Variants in FIG4 observed in about 807,000 individuals in gnomAD.
FIG4 encodes the protein FIG4 phosphoinositide 5-phosphatase.
Under a neutral mutation model 118.6 loss-of-function variants are expected in FIG4, and 112 were observed. That is an observed-to-expected ratio of 0.94 (90% confidence interval 0.81 to 1.11). FIG4 has a LOEUF of 1.11. FIG4 is among the 50% of genes least tolerant of loss of function. FIG4 has a pLI of 0.00. For missense variants in FIG4, 969 were observed against 1,111.7 expected (o/e 0.87, Z 1.83); for synonymous variants, 369 against 381.2 (o/e 0.97, Z 0.37).
chr6:109,796,955 T>C (rs1255125121), intron 22 of FIG4, 104 bp downstream of exon 22: 1 of 750,244 alleles, frequency 1.3e-6, no homozygotes, highest in African/African-American at 1.7e-5. Context: ...GTCACCAAAT[T>C]AGTATAAGCA....
chr6:109,723,129 G>T (rs1477465655), intron 3 of FIG4, among the ~76,000 whole-genome samples: 7 of 152,196 alleles, frequency 4.6e-5, no homozygotes, highest in African/African-American at 1.7e-4. Context: ...CCTTAGGGCA[G>T]TTTCCAGAAA....
chr6:109,745,649 T>A (rs1161605064), intron 10 of FIG4, among the ~76,000 whole-genome samples: 1 of 152,154 alleles, frequency 6.6e-6, no homozygotes, highest in African/African-American at 2.4e-5. Flanking sequence ...TTTAATTAGA[T>A]CCCATTTGTC....
rs565588149 is a variant in FIG4, at chr6:109,707,343, A to G, written c.67-7735A>G. ...TATATATGTATAGGTATATATATACATATATACATACATATATACGTGTAT... is the reference window on the plus strand; with the variant it reads ...TATATATGTATAGGTATATATATACGTATATACATACATATATACGTGTAT... On this transcript the variant is annotated intron_variant, in intron 1 of 22. Transcript: ENST00000230124. Among the ~76,000 whole-genome samples the G allele has an allele frequency of 3.4e-4, 41 of 120,872 alleles. No homozygotes were observed. In the South Asian group the frequency reaches 6.9e-3, roughly 20 times the overall value. The allele number at this position is 120,872 out of a possible 152,430, so 79.3% of individuals were successfully genotyped here. A position where few individuals can be genotyped will look rare whatever the true frequency, so the allele number is the denominator to read the frequency against.
intron 15 of FIG4, among the ~76,000 whole-genome samples, chr6:109,774,430 A>G (rs1468943156): frequency 6.6e-6 from 1 of 152,108 alleles, no homozygotes; most frequent in East Asian, 1.9e-4. Context: ...TTGAACATAT[A>G]CCTTTTTGCA....
chr6:109,698,325 CT>C (rs1036657431), intron 1 of FIG4, among the ~76,000 whole-genome samples: 9 of 152,012 alleles, frequency 5.9e-5, no homozygotes, highest in Non-Finnish European at 1.3e-4. Flanking sequence ...ATTCTAGAAC[CT>C]TTGTGTTTCC....
Position 109,760,233 on chromosome 6 carries a change from T to C in FIG4, c.1138-17T>C. On this transcript the variant is annotated splice_polypyrimidine_tract_variant and intron_variant, in intron 10 of 22. Coordinates refer to ENST00000230124, the MANE Select transcript of FIG4 (RefSeq NM_014845.6). ...TAAGGAAATTAGAACACTGAAAATG[T>C]TTAATTTTTGATAAAGGAACGAGAG... is the stretch of plus-strand genomic sequence containing the variant. 1 of 1,608,808 alleles carries C rather than the reference T, an allele frequency of 6.2e-7. No homozygotes were observed. The highest frequency in any genetic ancestry group is 8.5e-7 in the Non-Finnish European group (1 of 1,175,288).
In FIG4 at chr6:109,764,000, A is replaced by G. The variant is rs775631903; in HGVS notation, c.1434+18A>G. 5.9e-6 allele frequency: 9 copies of G among 1,534,444 alleles called. No individual in the cohort carries two copies. In the Admixed American group the frequency reaches 1.2e-4, roughly 20 times the overall value. ...GCCTGCAGGTATACACAGTATTACAATTCGTAATGAATAGAATCTGTATCC... is the reference window on the plus strand; with the variant it reads ...GCCTGCAGGTATACACAGTATTACAGTTCGTAATGAATAGAATCTGTATCC... On this transcript the variant is annotated intron_variant, in intron 13 of 22. Coordinates refer to ENST00000230124, the MANE Select transcript of FIG4 (RefSeq NM_014845.6).
chr6:109,825,236 C>T lies in FIG4; in HGVS notation c.2695C>T (p.Arg899Ter), dbSNP rs750069994. The T allele has an allele frequency of 1.3e-5, 21 of 1,613,874 alleles. No homozygotes were observed. Among genetic ancestry groups the T allele is most frequent in the Middle Eastern group, 3.3e-4 (2 of 6,082 alleles). ...AGGAAAAGAGGACTCCTCCATGTAC[C>T]GAGAGTACATCAGGAACCGCTACCT... The part of the protein sequence containing the change: ...PLGKEDSSMY[R>*]EYIRNRYL Residue 899 changes from arginine to a stop codon, truncating the protein, a stop_gained, in exon 23 of 23, where the codon CGA (arginine) becomes TGA (stop). Coordinates refer to ENST00000230124, the MANE Select transcript of FIG4 (RefSeq NM_014845.6). LOFTEE classifies it high-confidence loss of function.
chr6:109,801,351 C>G, intron 22 of FIG4, among the ~76,000 whole-genome samples: 1 of 151,882 alleles, frequency 6.6e-6, no homozygotes, highest in East Asian at 1.9e-4. Context: ...AGTTCGAGAC[C>G]AGCCTGACCA....
chr6:109,743,772 G>C lies in FIG4; in HGVS notation c.1137G>C (p.Lys379Asn). 1.2e-6 allele frequency: 2 copies of C among 1,603,242 alleles called. No homozygotes were observed. The highest frequency in any genetic ancestry group is 1.7e-6 in the Non-Finnish European group (2 of 1,170,630). Residue 379 changes from lysine (K) to asparagine (N), a missense_variant and splice_region_variant, in exon 10 of 23, where the codon AAG (lysine) becomes AAC (asparagine). Lys to Asn is a moderately conservative substitution (Grantham distance 94). Around this residue, in one of 3 missense-constraint regions of FIG4, gnomAD observed 246 missense variants for 354.3 expected, o/e 0.69. Transcript: ENST00000230124. ...CCATCATCATCTTGAATTTAGTGAAGGTATGATGTGCTCATCTGTTTGGTT... is the reference window on the plus strand; with the variant it reads ...CCATCATCATCTTGAATTTAGTGAACGTATGATGTGCTCATCTGTTTGGTT... ...GSPIIILNLV[K>N]EREKRKHERI...
At chr6:109,786,995 T>C (rs1777983143) in intron 18 of FIG4, among the ~76,000 whole-genome samples, 1 of 152,196 alleles carries the variant, frequency 6.6e-6, no homozygotes, top group Admixed American at 6.5e-5. Context: ...ATTACTATTA[T>C]TATTAGTCAT....
intron 1 of FIG4, among the ~76,000 whole-genome samples, chr6:109,704,249 T>C (rs1774988913): frequency 6.6e-6 from 1 of 152,208 alleles, no homozygotes; most frequent in Non-Finnish European, 1.5e-5. Flanking sequence ...ATATCTTCAG[T>C]TTATCTTTTT....
chr6:109,721,576 C>T (rs759916377), intron 3 of FIG4, among the ~76,000 whole-genome samples: 6 of 152,224 alleles, frequency 3.9e-5, no homozygotes, highest in East Asian at 1.9e-4. Flanking sequence ...TTTTGCATGA[C>T]GACCATCATC....
chr6:109,816,182 G>A (rs1778857560), intron 22 of FIG4, among the ~76,000 whole-genome samples: 1 of 152,176 alleles, frequency 6.6e-6, no homozygotes, highest in African/African-American at 2.4e-5. Context: ...AATGTCCTCA[G>A]TAGCCGATGG....
intron 5 of FIG4, among the ~76,000 whole-genome samples, chr6:109,733,011 G>T (rs960945852): frequency 6.6e-6 from 1 of 151,994 alleles, no homozygotes; most frequent in East Asian, 1.9e-4. Flanking sequence ...AATAAGAGTT[G>T]TAACAATTTC....
chr6:109,760,078 G>A (rs961251291), intron 10 of FIG4, among the ~76,000 whole-genome samples, 172 bp from the exon 11 acceptor site: 3 of 152,106 alleles, frequency 2.0e-5, no homozygotes, highest in Non-Finnish European at 2.9e-5. Flanking sequence ...ATACAATGGA[G>A]CATTTATTTC....
At chr6:109,732,144 G>C in intron 4 of FIG4, among the ~76,000 whole-genome samples, 1 of 152,124 alleles carries the variant, frequency 6.6e-6, no homozygotes, top group Non-Finnish European at 1.5e-5. Context: ...ATCTTAAAAA[G>C]GTTGAAATAG....
chr6:109,710,885 C>T (rs543085314), intron 1 of FIG4, among the ~76,000 whole-genome samples: 13 of 148,632 alleles, frequency 8.7e-5, no homozygotes, highest in South Asian at 4.4e-4. Context: ...GTCTAGCCTC[C>T]GGTCTATATA....
chr6:109,787,654 A>G (rs1033699221), intron 18 of FIG4, among the ~76,000 whole-genome samples: 1 of 152,188 alleles, frequency 6.6e-6, no homozygotes, highest in Non-Finnish European at 1.5e-5. Context: ...GTTTCACTGG[A>G]AGTCATAGTT....
Sources: gnomAD v4.1 joint callset for allele counts (sites outside exome capture counted in the v4.1 genomes callset) on GRCh38, gnomAD v4.1.1 for gene constraint, gnomAD v4.1.1 regional missense constraint, MANE v1.5 for transcripts, NCBI Gene and HGNC (gene_info 2026-07-23, HGNC 2026-07-21) for gene names.